The following ERC1 variants were observed in gnomAD, a reference collection of about 807,000 sequenced individuals.
The protein encoded by ERC1 is RAB6 interacting protein 2.
ERC1 carries 56 observed loss-of-function variants against 132.0 expected under a neutral mutation model. That is an observed-to-expected ratio of 0.42 (90% CI 0.34 to 0.53). The LOEUF (loss-of-function observed/expected upper bound fraction) is 0.53. Among genes scored for constraint, ERC1 ranks in the 20% least tolerant of loss-of-function variants. The pLI is 0.03. For missense variants in ERC1, 1,202 were observed against 1,349.9 expected (o/e 0.89, Z 1.72); for synonymous variants, 478 against 476.1 (o/e 1.00, Z -0.05).
At chr12:1,466,512 C>A (rs148155281) in intron 18 of ERC1, among the ~76,000 whole-genome samples, 1 of 152,242 alleles carries the variant, frequency 6.6e-6, no homozygotes, top group Non-Finnish European at 1.5e-5. Context: ...AAAATAGGCT[C>A]ATGGCAACAA....
intron 14 of ERC1, among the ~76,000 whole-genome samples, chr12:1,281,120 T>G (rs1174427433): frequency 3.3e-5 from 5 of 152,190 alleles, no homozygotes; most frequent in Admixed American, 3.3e-4. Context: ...TCTGTTTTAC[T>G]CACATTATTT....
chr12:1,279,110 T>C (rs185959335), intron 14 of ERC1, among the ~76,000 whole-genome samples: 510 of 152,310 alleles, frequency 3.3e-3, no homozygotes, highest in Non-Finnish European at 5.4e-3. Flanking sequence ...TAAAGATCTT[T>C]AGATTCATTT....
chr12:1,435,133 A>G (rs1037665025), intron 17 of ERC1, among the ~76,000 whole-genome samples: 9 of 152,202 alleles, frequency 5.9e-5, no homozygotes, highest in Admixed American at 3.9e-4. Context: ...TATTCATGGT[A>G]TATAAAATTT....
chr12:1,143,788 A>G (rs1593669768), intron 8 of ERC1, among the ~76,000 whole-genome samples: 1 of 151,914 alleles, frequency 6.6e-6, no homozygotes, highest in African/African-American at 2.4e-5. Flanking sequence ...TGTTTCCTTC[A>G]TAATAGATTT....
At position 1,180,660 on chromosome 12, in the gene ERC1, G is replaced by A; in HGVS notation, c.1858G>A (p.Glu620Lys). Reference sequence around the variant, plus strand: ...TGACACTGCCTTGACAACTTTGGAGGAGGCCCTTGCAGAGAAAGTGAGTGG... The same window carrying A: ...TGACACTGCCTTGACAACTTTGGAGAAGGCCCTTGCAGAGAAAGTGAGTGG... ...NTDTALTTLE[E>K]ALAEKERTIE... Residue 620 changes from glutamate to lysine, a missense_variant, in exon 9 of 19, where the codon GAG becomes AAG. Physicochemically the swap from Glu to Lys is moderately conservative, Grantham distance 56. Coordinates refer to ENST00000360905, the MANE Select transcript of ERC1 (RefSeq NM_178040.4). 6.2e-7 allele frequency: 1 copy of A among 1,613,982 alleles called. No homozygotes were observed. Among genetic ancestry groups the A allele is most frequent in the Non-Finnish European group, 8.5e-7 (1 of 1,180,028 alleles).
chr12:1,028,095 T>C lies in ERC1; in HGVS notation c.192T>C (p.Ala64=). ...TGGAAAATATACAATCTTTAAATGC[T>C]GCCTATGCCACCTCTGGCCCTATGT... The part of the protein sequence containing the change: ...LSMENIQSLN[A]AYATSGPMYL... Residue 64 remains alanine (A), a synonymous_variant, in exon 2 of 19, where the codon GCT becomes GCC. Coordinates refer to ENST00000360905, the MANE Select transcript of ERC1 (RefSeq NM_178040.4). 6.2e-7 allele frequency: 1 copy of C among 1,614,214 alleles called. No homozygotes were observed. Among genetic ancestry groups the C allele is most frequent in the South Asian group, 1.1e-5 (1 of 91,082 alleles).
At chr12:1,305,236 T>C (rs958681353) in intron 15 of ERC1, among the ~76,000 whole-genome samples, 4 of 152,220 alleles carry the variant, frequency 2.6e-5, no homozygotes, top group Non-Finnish European at 4.4e-5. Context: ...CCAGTTTTTA[T>C]GTTAATTTCT....
intron 17 of ERC1, among the ~76,000 whole-genome samples, chr12:1,421,893 G>T (rs1205984616): frequency 6.6e-6 from 1 of 152,044 alleles, no homozygotes; most frequent in Non-Finnish European, 1.5e-5. Context: ...GGGTATGGTG[G>T]TGCGTGCCTG....
At chr12:1,133,418 A>G (rs1007086929) in intron 7 of ERC1, among the ~76,000 whole-genome samples, 1 of 152,160 alleles carries the variant, frequency 6.6e-6, no homozygotes, top group African/African-American at 2.4e-5. Flanking sequence ...GGTTCAGCTA[A>G]TAGGAACCAA....
chr12:1,113,618 A>G (rs896228877), intron 6 of ERC1, among the ~76,000 whole-genome samples: 18 of 152,374 alleles, frequency 1.2e-4, no homozygotes, highest in African/African-American at 3.8e-4. Context: ...TTTATAGTAT[A>G]TATTAAAAAG....
intron 13 of ERC1, among the ~76,000 whole-genome samples, chr12:1,258,879 C>G (rs1005919506): frequency 2.6e-5 from 4 of 152,054 alleles, no homozygotes; most frequent in African/African-American, 9.7e-5. Flanking sequence ...TTCTCTTTAC[C>G]TTTCTTTTTT....
At chr12:1,014,006 G>A (rs1000820011) in intron 1 of ERC1, among the ~76,000 whole-genome samples, 7 of 149,292 alleles carry the variant, frequency 4.7e-5, no homozygotes, top group African/African-American at 1.7e-4. Flanking sequence ...ATAGGCATAA[G>A]CCATGTGCCT....
At chr12:1,412,717 T>G (rs1309389316) in intron 17 of ERC1, among the ~76,000 whole-genome samples, 1 of 152,136 alleles carries the variant, frequency 6.6e-6, no homozygotes, top group Non-Finnish European at 1.5e-5. Context: ...CCCAGTTCCT[T>G]TATCCAAAAA....
chr12:1,094,989 A>G (rs1465785590), intron 3 of ERC1, among the ~76,000 whole-genome samples: 1 of 152,148 alleles, frequency 6.6e-6, no homozygotes, highest in Non-Finnish European at 1.5e-5. Context: ...CCTTGAACCA[A>G]GGGTGCTGAG....
At chr12:1,421,451 G>A (rs904193114) in intron 17 of ERC1, among the ~76,000 whole-genome samples, 11 of 152,220 alleles carry the variant, frequency 7.2e-5, no homozygotes, top group Non-Finnish European at 1.5e-4. Context: ...GATTGGTTGG[G>A]GTTGCGATCA....
intron 15 of ERC1, among the ~76,000 whole-genome samples, chr12:1,356,181 G>A (rs2085501367): frequency 6.9e-6 from 1 of 144,886 alleles, no homozygotes; most frequent in South Asian, 2.2e-4. Context: ...TCCTGCCTAG[G>A]TGACAAAGTG....
chr12:1,000,455 C>T (rs1005642400), intron 1 of ERC1, among the ~76,000 whole-genome samples: 6 of 149,992 alleles, frequency 4.0e-5, no homozygotes, highest in African/African-American at 1.5e-4. Flanking sequence ...CACTGCACTC[C>T]AGTCTGGATG....
chr12:1,179,803 G>A lies in ERC1; in HGVS notation c.1738-737G>A, dbSNP rs182648927. On this transcript the variant is annotated intron_variant, in intron 8 of 18. Coordinates refer to ENST00000360905, the MANE Select transcript of ERC1 (RefSeq NM_178040.4). ...ATTACAGGCGTGAGCCACCGCGCCC[G>A]GCCTCATTTTTCTTCATATCCATAG... Among the ~76,000 whole-genome samples, 287 of 152,252 alleles carry A rather than the reference G, an allele frequency of 1.9e-3. 1 individual carries two copies. Among genetic ancestry groups the A allele is most frequent in the African/African-American group, 4.8e-3 (200 of 41,552 alleles).
intron 7 of ERC1, among the ~76,000 whole-genome samples, chr12:1,137,100 C>CTTTTTTTTTTTTTTTTT (rs944757047): frequency 1.5e-4 from 18 of 122,888 alleles, no homozygotes; most frequent in Middle Eastern, 4.3e-3. Context: ...TTTTTCTTTT[C>CTTTTTTTTTTTTTTTTT]TTTTTTTTTT....
Sources: gnomAD v4.1 joint callset for allele counts (sites outside exome capture counted in the v4.1 genomes callset) on GRCh38, gnomAD v4.1.1 for gene constraint, MANE v1.5 for transcripts, NCBI Gene and HGNC (gene_info 2026-07-23, HGNC 2026-07-21) for gene names.